The following LRRC49 variants were observed in gnomAD, a reference collection of about 807,000 sequenced individuals.
The protein encoded by LRRC49 is leucine-rich repeat-containing protein 49.
LRRC49 carries 50 observed loss-of-function variants against 83.3 expected under a neutral mutation model. The observed-to-expected ratio is 0.60, with a 90% CI of 0.48 to 0.76. The LOEUF (loss-of-function observed/expected upper bound fraction) is 0.76, where lower values mean the gene tolerates loss of function less well. LRRC49 is among the 30% of genes least tolerant of loss of function. The pLI is 0.00. For missense variants in LRRC49, 704 were observed against 809.1 expected (o/e 0.87, Z 1.58); for synonymous variants, 286 against 283.3 (o/e 1.01, Z -0.10).
At chr15:71,018,545 T>A (rs561783707) in intron 14 of LRRC49, among the ~76,000 whole-genome samples, 6 of 152,228 alleles carry the variant, frequency 3.9e-5, no homozygotes, top group Admixed American at 3.9e-4. Flanking sequence ...CATTGAGAAT[T>A]AAGGTAGACA....
At chr15:70,853,712 G>C (rs1403235053) in intron 1 of LRRC49, among the ~76,000 whole-genome samples, 1 of 152,168 alleles carries the variant, frequency 6.6e-6, no homozygotes, top group Non-Finnish European at 1.5e-5. Flanking sequence ...CTGGGGCACC[G>C]GCTGCCTCCA....
intron 9 of LRRC49, among the ~76,000 whole-genome samples, chr15:70,969,594 T>C (rs1453728048): frequency 2.6e-5 from 4 of 152,206 alleles, no homozygotes; most frequent in African/African-American, 9.6e-5. Context: ...TTCACTATAT[T>C]GATTCTTCCT....
intron 1 of LRRC49, 63 bp from the exon 2 acceptor site, chr15:70,893,521 T>G: frequency 1.0e-6 from 1 of 984,604 alleles, no homozygotes; most frequent in South Asian, 1.4e-5. Context: ...TACCTTTTTT[T>G]TTTTTGGAAA....
intron 2 of LRRC49, among the ~76,000 whole-genome samples, chr15:70,883,260 C>T (rs958004706): frequency 1.3e-4 from 19 of 150,978 alleles, no homozygotes; most frequent in Non-Finnish European, 1.8e-4. Context: ...GGTGCCATCT[C>T]GGCTCACTGC....
At chr15:70,860,117 T>C in intron 1 of LRRC49, 1 of 706,496 alleles carries the variant, frequency 1.4e-6, no homozygotes, top group Non-Finnish European at 2.5e-6. Context: ...TTGAGACCCG[T>C]GATGGGAAGC....
At chr15:70,989,734 G>GCAA in intron 11 of LRRC49, among the ~76,000 whole-genome samples, 1 of 152,098 alleles carries the variant, frequency 6.6e-6, no homozygotes, top group Non-Finnish European at 1.5e-5. Context: ...CAGTTTTTCT[G>GCAA]CTCTGTTTTT....
At chr15:70,892,748 C>T (rs1252551291), upstream of LRRC49, 11 of 1,544,094 alleles carry the variant, frequency 7.1e-6, no homozygotes, top group Non-Finnish European at 9.6e-6. Flanking sequence ...TCTATCGATT[C>T]GGGAGAGGTC....
At chr15:70,940,243 A>G (rs964336232) in intron 8 of LRRC49, among the ~76,000 whole-genome samples, 2 of 149,830 alleles carry the variant, frequency 1.3e-5, no homozygotes, top group Non-Finnish European at 3.0e-5. Context: ...GACCTTCAGA[A>G]TATATGGATT....
intron 2 of LRRC49, chr15:70,873,278 C>T: frequency 6.6e-7 from 1 of 1,510,408 alleles, no homozygotes; most frequent in South Asian, 1.2e-5. Flanking sequence ...ACTCTGCTAT[C>T]CCCTCACTGA....
chr15:70,907,970 C>T (rs1197995585), intron 5 of LRRC49: 1 of 456,030 alleles, frequency 2.2e-6, no homozygotes, highest in South Asian at 1.5e-5. Context: ...CCTTCATTTA[C>T]CTCTGAATTC....
At chr15:70,926,181 T>C (rs1413532680) in intron 7 of LRRC49, among the ~76,000 whole-genome samples, 1 of 152,232 alleles carries the variant, frequency 6.6e-6, no homozygotes, top group African/African-American at 2.4e-5. Flanking sequence ...CACAGGCACA[T>C]TGGTTATTTC....
chr15:71,032,033 C>T (rs1026112216), intron 14 of LRRC49, among the ~76,000 whole-genome samples: 2 of 152,134 alleles, frequency 1.3e-5, no homozygotes, highest in Admixed American at 1.3e-4. Flanking sequence ...CCAGGCGCCA[C>T]TGGGGTATGA....
chr15:70,867,574 C>A (rs956364607), intron 1 of LRRC49, among the ~76,000 whole-genome samples: 1 of 152,108 alleles, frequency 6.6e-6, no homozygotes, highest in Admixed American at 6.5e-5. Flanking sequence ...AAAGGTTATA[C>A]GGCTGGGATA....
chr15:71,013,999 A>G (rs1442173729), intron 14 of LRRC49, among the ~76,000 whole-genome samples: 1 of 152,104 alleles, frequency 6.6e-6, no homozygotes, highest in Non-Finnish European at 1.5e-5. Context: ...CCCTACTATA[A>G]TTTACACTAA....
At chr15:70,921,685 A>G (rs1444618194) in intron 7 of LRRC49, among the ~76,000 whole-genome samples, 1 of 152,210 alleles carries the variant, frequency 6.6e-6, no homozygotes, top group Non-Finnish European at 1.5e-5. Flanking sequence ...GGGTTATCTC[A>G]GTAAGATCCC....
In LRRC49 at chr15:70,855,334, CA is replaced by C. The variant is rs1248762528; in HGVS notation, c.-299+1879del. 3.7e-3 allele frequency among the ~76,000 whole-genome samples: 218 copies of C among 59,166 alleles called. 1 individual carries two copies. The highest frequency in any genetic ancestry group is 0.014 in the East Asian group (30 of 2,138). 38.8% of individuals were successfully genotyped at this position (59,166 alleles called of 152,430 possible). ...TGGGCAACAGAGCGAGACTCCGTCTCAAAAAAAAAAAAAAGAAAAAGAAAAA... is the reference window on the plus strand; with the variant it reads ...TGGGCAACAGAGCGAGACTCCGTCTCAAAAAAAAAAAAAGAAAAAGAAAAA... On this transcript the variant is annotated intron_variant, in intron 1 of 16. Transcript: ENST00000544974.
chr15:70,983,955 A>G (rs1006471655), intron 10 of LRRC49, 139 bp from the exon 11 acceptor site: 1 of 591,032 alleles, frequency 1.7e-6, no homozygotes, highest in African/African-American at 1.9e-5. Flanking sequence ...TTGTTTTAGA[A>G]TGTATTGGGT....
intron 11 of LRRC49, among the ~76,000 whole-genome samples, chr15:71,005,605 A>G (rs1238382193): frequency 6.6e-6 from 1 of 152,180 alleles, no homozygotes; most frequent in Non-Finnish European, 1.5e-5. Flanking sequence ...TTCTGAAACT[A>G]TGACCCAGTA....
rs145782668 is a variant in LRRC49, at chr15:70,895,890, T to A, written c.147T>A (p.Gly49=). The change falls in exon 3 of 16, where the codon GGT becomes GGA. Residue 49 remains glycine, a synonymous_variant. Transcript: ENST00000260382. ...KLNKDTSSFP[G]RLLQHDLERN... ...ATAAAGACACATCGTCATTCCCCGG[T>A]AGACTTTTACAACATGACCTTGAAA... 6.2e-7 allele frequency: 1 copy of A among 1,612,126 alleles called. No homozygotes were observed.
Sources: gnomAD v4.1 joint callset for allele counts (sites outside exome capture counted in the v4.1 genomes callset) on GRCh38, gnomAD v4.1.1 for gene constraint, MANE v1.5 for transcripts, NCBI Gene and HGNC (gene_info 2026-07-23, HGNC 2026-07-21) for gene names.